Variants in SEC23IP observed in about 807,000 individuals in gnomAD.
SEC23IP encodes SEC23-interacting protein.
SEC23IP carries 70 observed loss-of-function variants against 113.4 expected under a neutral mutation model. The observed-to-expected ratio is 0.62, with a 90% CI of 0.51 to 0.75. SEC23IP has a LOEUF of 0.75. Among genes scored for constraint, SEC23IP ranks in the 30% least tolerant of loss-of-function variants. The pLI is 0.00. For missense variants in SEC23IP, 1,160 were observed against 1,204.9 expected (o/e 0.96, Z 0.55); for synonymous variants, 398 against 421.0 (o/e 0.95, Z 0.67).
chr10:119,929,620 A>G lies in SEC23IP; in HGVS notation c.2327A>G (p.Tyr776Cys). ...EVGAGQVSVA[Y>C]NSLDFEPEIF... Reference sequence around the variant, plus strand: ...GATTCTTTCCAGGTTTCTGTTGCTTACAACTCATTAGATTTTGAACCAGAG... The same window carrying G: ...GATTCTTTCCAGGTTTCTGTTGCTTGCAACTCATTAGATTTTGAACCAGAG... Residue 776 changes from tyrosine to cysteine, a missense_variant, in exon 14 of 19, where the codon TAC (tyrosine) becomes TGC (cysteine). By Grantham distance (194) the Tyr-to-Cys change is radical (BLOSUM62 -2). Coordinates refer to ENST00000369075, the MANE Select transcript of SEC23IP (RefSeq NM_007190.4). The G allele has an allele frequency of 6.2e-7, 1 of 1,610,016 alleles. No homozygotes were observed. Among genetic ancestry groups the G allele is most frequent in the Admixed American group, 1.7e-5 (1 of 59,876 alleles).
intron 4 of SEC23IP, among the ~76,000 whole-genome samples, chr10:119,908,733 A>T (rs745475368): frequency 2.0e-5 from 3 of 152,108 alleles, no homozygotes; most frequent in Non-Finnish European, 4.4e-5. Context: ...GAACTATGGG[A>T]TGATACATTT....
intron 18 of SEC23IP, among the ~76,000 whole-genome samples, chr10:119,938,336 A>G (rs1233323833): frequency 6.6e-6 from 1 of 152,076 alleles, no homozygotes; most frequent in Non-Finnish European, 1.5e-5. Flanking sequence ...TGGGGTTGTC[A>G]GTTCAGATAT....
chr10:119,937,196 G>A (rs989299019), intron 18 of SEC23IP, among the ~76,000 whole-genome samples: 24 of 152,040 alleles, frequency 1.6e-4, no homozygotes, highest in African/African-American at 5.1e-4. Context: ...CTTTCTTATG[G>A]ATTTATAAAT....
In SEC23IP at chr10:119,909,396, A is replaced by G. The variant is rs552659172; in HGVS notation, c.1191+266A>G. ...CTGAGACAGGTGGAATGCTTGAGCC[A>G]GGGGGACAGCAGAACCCTGTCTCTA... On this transcript the variant is annotated intron_variant, in intron 5 of 18. Transcript: ENST00000369075. Among the ~76,000 whole-genome samples the G allele has an allele frequency of 1.8e-4, 27 of 152,268 alleles. No individual in the cohort carries two copies. In the South Asian group the frequency reaches 5.6e-3, roughly 32 times the overall value.
intron 6 of SEC23IP, among the ~76,000 whole-genome samples, chr10:119,914,021 G>T (rs185438823): frequency 0.012 from 1,788 of 152,130 alleles, 37 homozygotes; most frequent in East Asian, 0.057. Context: ...TTAACTGGGC[G>T]TGGTGGTGGG....
At position 119,929,676 on chromosome 10, in the gene SEC23IP, A is replaced by G. The variant is rs147754339; in HGVS notation, c.2383A>G (p.Met795Val). ...IFFALGSPIA[M>V]FLTIRGVDRI... ...CTTTGCCTTGGGGTCTCCAATTGCT[A>G]TGTTTCTCACTATTCGAGGAGTTGA... The change falls in exon 14 of 19, where the codon ATG (methionine) becomes GTG (valine). Residue 795 changes from methionine to valine, a missense_variant. Physicochemically the swap from Met to Val is conservative, Grantham distance 21 (BLOSUM62 1). Transcript: ENST00000369075. 1.0e-4 allele frequency: 168 copies of G among 1,605,564 alleles called. No individual in the cohort carries two copies. The highest frequency in any genetic ancestry group is 1.6e-4 in the Middle Eastern group (1 of 6,062).
At chr10:119,930,209 T>G in intron 14 of SEC23IP, 120 bp from the exon 15 acceptor site, 1 of 534,126 alleles carries the variant, frequency 1.9e-6, no homozygotes, top group Non-Finnish European at 3.3e-6. Context: ...GAATAAGGTG[T>G]GGAGAAAAAT....
At chr10:119,935,197 A>G (rs1430187389) in intron 18 of SEC23IP, among the ~76,000 whole-genome samples, 2 of 152,166 alleles carry the variant, frequency 1.3e-5, no homozygotes, top group Non-Finnish European at 2.9e-5. Context: ...GTAGTGGCTC[A>G]CGCCTGTAAT....
Position 119,942,878 on chromosome 10 carries a change from C to T in SEC23IP, c.*2313C>T, listed in dbSNP as rs1236217262. 5.3e-5 allele frequency: 8 copies of T among 152,080 alleles called. No individual in the cohort carries two copies. Among genetic ancestry groups the T allele is most frequent in the African/African-American group, 9.7e-5 (4 of 41,406 alleles). 9.4% of individuals were successfully genotyped at this position (152,080 alleles called of 1,614,324 possible). A position where few individuals can be genotyped will look rare whatever the true frequency, so the allele number is the denominator to read the frequency against. Reference sequence around the variant, plus strand: ...ATAAGACAAGGAAACTGCACAGATTCGAGTGATTTTTGAGGTAAGTATGTT... The same window carrying T: ...ATAAGACAAGGAAACTGCACAGATTTGAGTGATTTTTGAGGTAAGTATGTT... On this transcript the variant is annotated 3_prime_UTR_variant, in exon 19 of 19. Coordinates refer to ENST00000369075, the MANE Select transcript of SEC23IP (RefSeq NM_007190.4).
Position 119,929,677 on chromosome 10 carries a change from T to C in SEC23IP, c.2384T>C (p.Met795Thr). 6.2e-7 allele frequency: 1 copy of C among 1,604,960 alleles called. No individual in the cohort carries two copies. The highest frequency in any genetic ancestry group is 8.5e-7 in the Non-Finnish European group (1 of 1,171,660). ...IFFALGSPIA[M>T]FLTIRGVDRI... ...TTTGCCTTGGGGTCTCCAATTGCTA[T>C]GTTTCTCACTATTCGAGGAGTTGAT... The change falls in exon 14 of 19, where the codon ATG (methionine) becomes ACG (threonine). Residue 795 changes from methionine to threonine, a missense_variant. By Grantham distance (81) the Met-to-Thr change is moderately conservative. Coordinates refer to ENST00000369075, the MANE Select transcript of SEC23IP (RefSeq NM_007190.4).
At chr10:119,911,928 A>G in intron 5 of SEC23IP, 116 bp from the exon 6 acceptor site, 1 of 1,287,024 alleles carries the variant, frequency 7.8e-7, no homozygotes, top group East Asian at 2.4e-5. Flanking sequence ...AACAGTACTA[A>G]TAATTTATAA....
At chr10:119,908,172 A>G (rs1012644633) in intron 4 of SEC23IP, among the ~76,000 whole-genome samples, 19 of 152,172 alleles carry the variant, frequency 1.2e-4, no homozygotes, top group African/African-American at 4.1e-4. Flanking sequence ...AAGAAAGACT[A>G]TATCTGGAGG....
rs374346145 is a variant in SEC23IP, at chr10:119,915,904, A to G, written c.1544+15A>G. 57 of 1,455,164 alleles carry G rather than the reference A, an allele frequency of 3.9e-5. No individual in the cohort carries two copies. The highest frequency in any genetic ancestry group is 4.7e-5 in the Non-Finnish European group (51 of 1,095,374). The allele number at this position is 1,455,164 out of a possible 1,614,324, so 90.1% of individuals were successfully genotyped here. A position where few individuals can be genotyped will look rare whatever the true frequency, so the allele number is the denominator to read the frequency against. On this transcript the variant is annotated intron_variant, in intron 8 of 18. Coordinates refer to ENST00000369075, the MANE Select transcript of SEC23IP (RefSeq NM_007190.4). Reference sequence around the variant, plus strand: ...GGTGTGGACAGGTTTGTGGATTTTGATAACTTGTTTTTCAGATTAGTCATA... The same window carrying G: ...GGTGTGGACAGGTTTGTGGATTTTGGTAACTTGTTTTTCAGATTAGTCATA...
rs1854880039 is a variant in SEC23IP at position 119,912,037 on chromosome 10, CTTGAAGGTTATTG to C, written c.1192-4_1200del. The C allele has an allele frequency of 6.2e-7, 1 of 1,613,410 alleles. No homozygotes were observed. Among genetic ancestry groups the C allele is most frequent in the Admixed American group, 1.7e-5 (1 of 59,870 alleles). The stretch of plus-strand genomic sequence containing the variant: ...GAGCTTTGTCATAATTCTGTTGCAT[CTTGAAGGTTATTG>C]TTCAGTTCCAGCCCTCCTCAGTGCC... On this transcript the variant is annotated splice_acceptor_variant and splice_polypyrimidine_tract_variant and coding_sequence_variant and intron_variant, in exon 6 of 19. Coordinates refer to ENST00000369075, the MANE Select transcript of SEC23IP (RefSeq NM_007190.4). LOFTEE classifies it high-confidence loss of function.
rs1352885151 is a variant in SEC23IP at position 119,944,549 on chromosome 10, ACAT to A, written c.*3987_*3989del. On this transcript the variant is annotated 3_prime_UTR_variant, in exon 19 of 19. Transcript: ENST00000369075. ...GTGGAAAGACGCGAGGTTGGAAAGA[ACAT>A]CACAACTGGGGCGACTGAAGAAATT... The A allele has an allele frequency of 6.6e-6, 1 of 152,290 alleles. No individual in the cohort carries two copies. Among genetic ancestry groups the A allele is most frequent in the African/African-American group, 2.4e-5 (1 of 41,476 alleles). The allele number at this position is 152,290 out of a possible 1,614,324, so 9.4% of individuals were successfully genotyped here. A position where few individuals can be genotyped will look rare whatever the true frequency, so the allele number is the denominator to read the frequency against.
At chr10:119,919,381 C>T (rs535956406) in intron 10 of SEC23IP, 63 bp from the exon 11 acceptor site, 3 of 1,409,748 alleles carry the variant, frequency 2.1e-6, no homozygotes, top group Admixed American at 2.2e-5. Flanking sequence ...TTTCGTAGAT[C>T]AGCAGTCATT....
rs796325859 is a variant in SEC23IP at position 119,897,617 on chromosome 10, CTT to C, written c.164-809_164-808del. Among the ~76,000 whole-genome samples the C allele has an allele frequency of 6.7e-4, 102 of 152,284 alleles. 1 individual carries two copies. The highest frequency in any genetic ancestry group is 2.3e-3 in the African/African-American group (97 of 41,570). On this transcript the variant is annotated intron_variant, in intron 1 of 18. Coordinates refer to ENST00000369075, the MANE Select transcript of SEC23IP (RefSeq NM_007190.4). ...TTGTCAACAGAGTTATCTTTAGTCT[CTT>C]GTTATCACTATAGAAATAAAAATAT...
At chr10:119,897,095 C>T (rs536694658) in intron 1 of SEC23IP, among the ~76,000 whole-genome samples, 1 of 152,312 alleles carries the variant, frequency 6.6e-6, no homozygotes, top group East Asian at 1.9e-4. Context: ...AATAAGGCTG[C>T]CTGTTGGCAG....
rs1230917588 is a variant in SEC23IP, at chr10:119,943,703, G to A, written c.*3138G>A. ...ATGTTGTTAACACCAGTGGGAGTTT[G>A]GGAAATAATTCCAGCTCTTTAATAC... On this transcript the variant is annotated 3_prime_UTR_variant, in exon 19 of 19. Coordinates refer to ENST00000369075, the MANE Select transcript of SEC23IP (RefSeq NM_007190.4). 1 of 152,214 alleles carries A rather than the reference G, an allele frequency of 6.6e-6. No individual in the cohort carries two copies. The highest frequency in any genetic ancestry group is 6.5e-5 in the Admixed American group (1 of 15,288). 9.4% of individuals were successfully genotyped at this position (152,214 alleles called of 1,614,324 possible).
Sources: allele counts gnomAD v4.1 joint callset (sites outside exome capture counted in the v4.1 genomes callset), GRCh38; gene constraint gnomAD v4.1.1; transcripts MANE v1.5; gene names NCBI Gene and HGNC (gene_info 2026-07-23, HGNC 2026-07-21).